ZNF85: variants seen among roughly 807,000 people sequenced by gnomAD.
ZNF85 encodes zinc finger protein 85 (HPF4, HTF1).
ZNF85 carries 50 observed loss-of-function variants against 53.9 expected under a neutral mutation model. That is an observed-to-expected ratio of 0.93 (90% confidence interval 0.74 to 1.17). ZNF85 has a LOEUF of 1.17. Ranked by LOEUF, ZNF85 falls within the 50% of genes most tolerant of loss-of-function variation. The probability of loss-of-function intolerance (pLI) is 0.00; values close to 1 mark genes in which losing one functional copy is unlikely to be tolerated. For synonymous variants in ZNF85, 225 were observed against 226.1 expected (o/e 1.00, Z 0.04); for missense variants, 747 against 688.5 (o/e 1.08, Z -0.95).
chr19:20,936,889 C>T (rs112225017), intron 3 of ZNF85: 1,776 of 153,088 alleles, frequency 0.012, 34 homozygotes, highest in African/African-American at 0.034. Context: ...CCTAATTACA[C>T]GAGGAGGAAA....
At chr19:20,946,507 G>C (rs768288179) in intron 3 of ZNF85, 1 of 227,852 alleles carries the variant, frequency 4.4e-6, no homozygotes, top group Non-Finnish European at 8.7e-6. Flanking sequence ...CACTCTATGT[G>C]TTTCATCGAT....
chr19:20,947,435 A>G (rs914541675), intron 3 of ZNF85, among the ~76,000 whole-genome samples: 1 of 136,772 alleles, frequency 7.3e-6, no homozygotes, highest in Non-Finnish European at 1.6e-5. Flanking sequence ...GTTTTCTTAC[A>G]TTATGTTATT....
At chr19:20,943,004 G>C (rs550736208) in intron 3 of ZNF85, 2 of 500,716 alleles carry the variant, frequency 4.0e-6, no homozygotes, top group African/African-American at 4.0e-5. Flanking sequence ...TCAAACTTCT[G>C]GCTCCAAATG....
intron 3 of ZNF85, chr19:20,937,299 G>C (rs1385095223): frequency 8.8e-6 from 4 of 455,680 alleles, no homozygotes; most frequent in Non-Finnish European, 1.8e-5. Flanking sequence ...CAAAGTGCTT[G>C]GATTATAGAC....
chr19:20,934,185 C>T (rs1973102021), intron 2 of ZNF85, 35 bp downstream of exon 2: 2 of 1,585,296 alleles, frequency 1.3e-6, no homozygotes, highest in Non-Finnish European at 1.7e-6. Context: ...TTCTAATATG[C>T]CCTAAAGGTT....
At chr19:20,937,325 C>G (rs1188894944) in intron 3 of ZNF85, 1 of 456,266 alleles carries the variant, frequency 2.2e-6, no homozygotes, top group Admixed American at 2.4e-5. Context: ...CCTCAGCGCC[C>G]AGCCCTCTTC....
At chr19:20,930,120 CAAAAAAAAAA>C (rs57832039) in intron 1 of ZNF85, among the ~76,000 whole-genome samples, 9 of 79,262 alleles carry the variant, frequency 1.1e-4, no homozygotes, top group African/African-American at 3.4e-4. Context: ...GACTCCGTCC[CAAAAAAAAAA>C]AAAAAAAAAA....
chr19:20,935,577 G>A (rs988926642), intron 3 of ZNF85, among the ~76,000 whole-genome samples: 7 of 151,848 alleles, frequency 4.6e-5, no homozygotes, highest in African/African-American at 1.7e-4. Flanking sequence ...CCTCAAGATT[G>A]CTTTGGCTAT....
At chr19:20,938,904 A>G (rs1387815744) in intron 3 of ZNF85, among the ~76,000 whole-genome samples, 2 of 148,464 alleles carry the variant, frequency 1.3e-5, no homozygotes, top group African/African-American at 5.0e-5. Context: ...GTGTGTGTGT[A>G]TTTTATTTAG....
intron 1 of ZNF85, among the ~76,000 whole-genome samples, chr19:20,925,852 A>G (rs955440346): frequency 1.3e-5 from 2 of 152,244 alleles, no homozygotes; most frequent in Non-Finnish European, 2.9e-5. Flanking sequence ...TTTTGACTTC[A>G]GCTTCTTTTA....
At chr19:20,948,034 G>C (rs955057036) in intron 3 of ZNF85, among the ~76,000 whole-genome samples, 12 of 152,006 alleles carry the variant, frequency 7.9e-5, no homozygotes, top group Non-Finnish European at 1.5e-4. Flanking sequence ...CAAACCACCT[G>C]TAACAATCTT....
At chr19:20,942,650 G>T (rs1405794123) in intron 3 of ZNF85, 3 of 548,690 alleles carry the variant, frequency 5.5e-6, no homozygotes, top group East Asian at 6.3e-5. Context: ...AGAATATGTT[G>T]AAGGGTGTGT....
At chr19:20,941,106 T>A (rs992091733) in intron 3 of ZNF85, among the ~76,000 whole-genome samples, 1 of 152,240 alleles carries the variant, frequency 6.6e-6, no homozygotes, top group African/African-American at 2.4e-5. Flanking sequence ...ATCCTTGTTT[T>A]CCACCAGTTA....
At position 20,943,060 on chromosome 19, in the gene ZNF85, G is replaced by T. The variant is rs552805999; in HGVS notation, c.230-5684G>T. 163 of 442,160 alleles carry T rather than the reference G, an allele frequency of 3.7e-4. 1 individual carries two copies. Among genetic ancestry groups the T allele is most frequent in the African/African-American group, 3.1e-3 (152 of 49,270 alleles). 27.4% of individuals were successfully genotyped at this position (442,160 alleles called of 1,614,324 possible). A position where few individuals can be genotyped will look rare whatever the true frequency, so the allele number is the denominator to read the frequency against. On this transcript the variant is annotated intron_variant, in intron 3 of 3. Transcript: ENST00000328178. ...CAAAGTGTTGGGATTATAGGTATGA[G>T]CCTGTTCACCCAGCCAGTATTCTTA...
At chr19:20,939,992 T>C (rs1451641547) in intron 3 of ZNF85, among the ~76,000 whole-genome samples, 2 of 152,144 alleles carry the variant, frequency 1.3e-5, no homozygotes, top group Non-Finnish European at 2.9e-5. Flanking sequence ...CCACTGTGCC[T>C]GACCTCTTAG....
chr19:20,930,120 CAAAAAAA>C (rs57832039), intron 1 of ZNF85, among the ~76,000 whole-genome samples: 1,555 of 79,314 alleles, frequency 0.02, 29 homozygotes, highest in South Asian at 0.08. Flanking sequence ...GACTCCGTCC[CAAAAAAA>C]AAAAAAAAAA....
At chr19:20,943,241 A>C in intron 3 of ZNF85, 4 of 174,658 alleles carry the variant, frequency 2.3e-5, no homozygotes, top group South Asian at 2.0e-4. Context: ...TTCAAATCTT[A>C]TGCTGCAATG....
At chr19:20,936,450 C>G (rs765827493) in intron 3 of ZNF85, 2 of 151,478 alleles carry the variant, frequency 1.3e-5, no homozygotes, top group Non-Finnish European at 2.9e-5. Context: ...AGAGTACACT[C>G]GCCAGCAGTT....
intron 3 of ZNF85, among the ~76,000 whole-genome samples, chr19:20,947,379 G>T (rs1437003520): frequency 1.3e-5 from 2 of 150,544 alleles, no homozygotes; most frequent in African/African-American, 2.4e-5. Context: ...TTGGATATGT[G>T]CATATCTTTC....
Sources: gnomAD v4.1 joint callset for allele counts (sites outside exome capture counted in the v4.1 genomes callset) on GRCh38, gnomAD v4.1.1 for gene constraint, MANE v1.5 for transcripts, NCBI Gene and HGNC (gene_info 2026-07-23, HGNC 2026-07-21) for gene names.